The following PRKN variants were observed in gnomAD, a reference collection of about 807,000 sequenced individuals.
The protein encoded by PRKN is E3 ubiquitin-protein ligase parkin.
Under a neutral mutation model 59.5 loss-of-function variants are expected in PRKN, and 56 were observed. The ratio of observed to expected loss-of-function variants is 0.94; its 90% CI spans 0.76 to 1.18. The LOEUF is 1.18. Ranked by LOEUF, PRKN falls within the 50% of genes most tolerant of loss-of-function variation. The probability of loss-of-function intolerance (pLI) is 0.00; values close to 1 mark genes in which losing one functional copy is unlikely to be tolerated. For missense variants in PRKN, 657 were observed against 596.4 expected, an observed-to-expected ratio of 1.10 and a Z score of -1.06; for synonymous variants, 250 against 222.1, an observed-to-expected ratio of 1.13 and a Z score of -1.12.
intron 2 of PRKN, among the ~76,000 whole-genome samples, chr6:162,265,031 A>T (rs532191991): frequency 5.9e-5 from 9 of 152,110 alleles, no homozygotes; most frequent in Non-Finnish European, 1.3e-4. Context: ...ATATCGCCAT[A>T]CTCCAGTCCA....
At chr6:161,757,867 C>CTGTG (rs1392431780) in intron 7 of PRKN, among the ~76,000 whole-genome samples, 1 of 99,582 alleles carries the variant, frequency 1.0e-5, no homozygotes, top group Non-Finnish European at 1.9e-5. Context: ...CTCTCTCTCT[C>CTGTG]TCTCTGTGTA....
At chr6:162,257,074 C>T (rs146110884) in intron 3 of PRKN, among the ~76,000 whole-genome samples, 5 of 152,328 alleles carry the variant, frequency 3.3e-5, no homozygotes, top group African/African-American at 1.2e-4. Flanking sequence ...GCCTGTGCTG[C>T]CCCGGCATGG....
chr6:162,085,881 A>T (rs1779226004), intron 4 of PRKN, among the ~76,000 whole-genome samples: 1 of 151,458 alleles, frequency 6.6e-6, no homozygotes, highest in African/African-American at 2.5e-5. Flanking sequence ...ATTGTTAAAT[A>T]AAAGTGACAG....
At chr6:162,305,391 TA>T (rs869076711) in intron 2 of PRKN, among the ~76,000 whole-genome samples, 2 of 149,350 alleles carry the variant, frequency 1.3e-5, no homozygotes, top group Admixed American at 6.7e-5. Context: ...TCTAATTTTT[TA>T]AAAAAATTAT....
chr6:162,495,837 G>A (rs6931061), intron 1 of PRKN, among the ~76,000 whole-genome samples: 98 of 152,198 alleles, frequency 6.4e-4, no homozygotes, highest in African/African-American at 2.1e-3. Context: ...CCCACACCTG[G>A]ACAGCCTGTG....
intron 6 of PRKN, among the ~76,000 whole-genome samples, chr6:161,947,116 A>G (rs992537670): frequency 6.6e-6 from 1 of 152,072 alleles, no homozygotes; most frequent in Non-Finnish European, 1.5e-5. Context: ...ATGTATGTAT[A>G]AATGTTTATA....
At chr6:162,558,189 T>C in intron 1 of PRKN, among the ~76,000 whole-genome samples, 1 of 152,204 alleles carries the variant, frequency 6.6e-6, no homozygotes, top group East Asian at 1.9e-4. Context: ...TGCCATCATC[T>C]TTACTAACAA....
chr6:162,023,413 G>T (rs116838396), intron 5 of PRKN, among the ~76,000 whole-genome samples: 3,386 of 152,252 alleles, frequency 0.022, 128 homozygotes, highest in African/African-American at 0.076. Flanking sequence ...TCTCTCAGCT[G>T]ATGGGGCAGC....
intron 5 of PRKN, among the ~76,000 whole-genome samples, chr6:162,031,820 G>A (rs769498971): frequency 6.6e-6 from 1 of 152,124 alleles, no homozygotes; most frequent in African/African-American, 2.4e-5. Flanking sequence ...GTGAGCCATG[G>A]TGCCCAACTA....
At chr6:162,102,106 C>T (rs1042345749) in intron 4 of PRKN, among the ~76,000 whole-genome samples, 10 of 152,140 alleles carry the variant, frequency 6.6e-5, no homozygotes, top group African/African-American at 1.9e-4. Flanking sequence ...ACGTGTGCCA[C>T]GGTGGTTTGC....
At chr6:162,235,665 C>T (rs150844927) in intron 3 of PRKN, among the ~76,000 whole-genome samples, 62 of 151,718 alleles carry the variant, frequency 4.1e-4, no homozygotes, top group Non-Finnish European at 7.5e-4. Flanking sequence ...AAAACTAGCG[C>T]GGTGGCTGGT....
intron 6 of PRKN, among the ~76,000 whole-genome samples, chr6:161,966,910 C>T (rs1248894860): frequency 2.6e-5 from 4 of 152,252 alleles, no homozygotes; most frequent in Non-Finnish European, 1.5e-5. Flanking sequence ...TGGCTCACCA[C>T]AACCTCTGCC....
intron 7 of PRKN, among the ~76,000 whole-genome samples, chr6:161,643,594 C>G (rs140981288): frequency 9.6e-4 from 146 of 152,232 alleles, no homozygotes; most frequent in African/African-American, 3.4e-3. Context: ...ATATTGCAAT[C>G]TACTTTATTT....
At chr6:162,484,145 A>C (rs1448358354) in intron 1 of PRKN, among the ~76,000 whole-genome samples, 1 of 152,232 alleles carries the variant, frequency 6.6e-6, no homozygotes, top group Non-Finnish European at 1.5e-5. Flanking sequence ...TGTTTGGGCA[A>C]GAGAAGTTGG....
intron 9 of PRKN, among the ~76,000 whole-genome samples, chr6:161,531,756 A>T (rs1779221745): frequency 6.6e-6 from 1 of 152,200 alleles, no homozygotes; most frequent in South Asian, 2.1e-4. Flanking sequence ...CAGTCTTACC[A>T]GCAAGGGAAT....
chr6:162,159,270 C>T (rs912384389), intron 4 of PRKN, among the ~76,000 whole-genome samples: 1 of 152,200 alleles, frequency 6.6e-6, no homozygotes, highest in Non-Finnish European at 1.5e-5. Context: ...TAGGATGCAA[C>T]AGAACTTAAT....
At chr6:161,500,015 G>A (rs1777899980) in intron 9 of PRKN, among the ~76,000 whole-genome samples, 1 of 152,036 alleles carries the variant, frequency 6.6e-6, no homozygotes, top group Admixed American at 6.5e-5. Flanking sequence ...TTTGCCAAAA[G>A]TCCTTCGGCC....
intron 4 of PRKN, among the ~76,000 whole-genome samples, chr6:162,113,882 G>C (rs1039973097): frequency 6.6e-6 from 1 of 151,834 alleles, no homozygotes; most frequent in Admixed American, 6.6e-5. Context: ...ATCTTGAATT[G>C]ATTTTTGTAT....
At chr6:162,504,964 G>C (rs1035172527) in intron 1 of PRKN, among the ~76,000 whole-genome samples, 1 of 152,162 alleles carries the variant, frequency 6.6e-6, no homozygotes, top group Non-Finnish European at 1.5e-5. Context: ...ATGAATCAGG[G>C]AACGCTGAGG....
Sources: gnomAD v4.1 joint callset for allele counts (sites outside exome capture counted in the v4.1 genomes callset) on GRCh38, gnomAD v4.1.1 for gene constraint, MANE v1.5 for transcripts, NCBI Gene and HGNC (gene_info 2026-07-23, HGNC 2026-07-21) for gene names.